Variants in SMAD6 observed in about 807,000 individuals in gnomAD.
The protein encoded by SMAD6 is MAD homolog 6.
SMAD6 carries 103 observed loss-of-function variants against 39.4 expected under a neutral mutation model. That is an observed-to-expected ratio of 2.62 (90% CI 2.23 to 3.08). The LOEUF (loss-of-function observed/expected upper bound fraction) is 3.08. Ranked by LOEUF, SMAD6 falls within the 30% of genes most tolerant of loss-of-function variation. SMAD6 has a pLI of 0.00. For missense variants in SMAD6, 1,104 were observed against 742.9 expected (o/e 1.49, Z -5.65); for synonymous variants, 445 against 353.3 (o/e 1.26, Z -2.91).
chr15:66,738,761 G>T (rs569527883), intron 3 of SMAD6, among the ~76,000 whole-genome samples: 21 of 152,224 alleles, frequency 1.4e-4, no homozygotes, highest in African/African-American at 4.3e-4. Context: ...CCAGAGAGCG[G>T]GTTCTGATGG....
At chr15:66,779,306 C>T (rs1319013073) in intron 3 of SMAD6, among the ~76,000 whole-genome samples, 1 of 152,178 alleles carries the variant, frequency 6.6e-6, no homozygotes, top group Non-Finnish European at 1.5e-5. Context: ...CCTCTCCTGA[C>T]CATCAGCTGG....
In SMAD6 at chr15:66,734,112, C is replaced by T. The variant is rs544280676; in HGVS notation, c.952+17614C>T. On this transcript the variant is annotated intron_variant, in intron 3 of 3. Transcript: ENST00000288840. ...GGGAGGGAGGGAGAGGCCGGAGAGG[C>T]GGCCATCAGTGCTTGCAGCCAGGAG... Among the ~76,000 whole-genome samples, 9 of 152,294 alleles carry T rather than the reference C, an allele frequency of 5.9e-5. No individual in the cohort carries two copies. In the South Asian group the frequency reaches 1.9e-3, roughly 32 times the overall value.
chr15:66,749,631 T>C (rs1268902117), intron 3 of SMAD6, among the ~76,000 whole-genome samples: 1 of 151,972 alleles, frequency 6.6e-6, no homozygotes, highest in Admixed American at 6.6e-5. Context: ...CAAAAAAATT[T>C]AATGGAGTGG....
At chr15:66,745,527 T>G (rs1893892400) in intron 3 of SMAD6, among the ~76,000 whole-genome samples, 1 of 152,234 alleles carries the variant, frequency 6.6e-6, no homozygotes, top group Non-Finnish European at 1.5e-5. Context: ...AAGGGCTTCC[T>G]ACTCCAGGAG....
chr15:66,721,776 C>G (rs542490835), intron 3 of SMAD6, among the ~76,000 whole-genome samples: 1 of 152,198 alleles, frequency 6.6e-6, no homozygotes, highest in Non-Finnish European at 1.5e-5. Context: ...ATAAAAGTTA[C>G]ATTGTTTCTG....
chr15:66,734,350 C>T (rs925911467), intron 3 of SMAD6, among the ~76,000 whole-genome samples: 1 of 152,198 alleles, frequency 6.6e-6, no homozygotes, highest in Non-Finnish European at 1.5e-5. Flanking sequence ...CATTAATGCT[C>T]ATTCCATTCG....
intron 3 of SMAD6, among the ~76,000 whole-genome samples, chr15:66,742,251 G>T (rs867082601): frequency 6.6e-6 from 1 of 152,288 alleles, no homozygotes; most frequent in South Asian, 2.1e-4. Flanking sequence ...TCTCATGGGA[G>T]TCAGCATCCC....
rs779438746 is a variant in SMAD6 at position 66,711,739 on chromosome 15, C to A, written c.874+15C>A. 6.2e-7 allele frequency: 1 copy of A among 1,606,314 alleles called. No homozygotes were observed. The highest frequency in any genetic ancestry group is 1.7e-5 in the Admixed American group (1 of 59,978). ...CAAGCCACTGGGTAAGTGTGCCCTC[C>A]TTCCTACCCTTGCAGAGGTGTGTCC... On this transcript the variant is annotated intron_variant, in intron 2 of 3. Coordinates refer to ENST00000288840, the MANE Select transcript of SMAD6 (RefSeq NM_005585.5).
chr15:66,759,600 T>C (rs1894163912), intron 3 of SMAD6, among the ~76,000 whole-genome samples: 1 of 152,246 alleles, frequency 6.6e-6, no homozygotes, highest in Admixed American at 6.5e-5. Context: ...TTATAGATGC[T>C]CATCCCACCG....
chr15:66,714,888 A>C (rs1893297694), intron 2 of SMAD6, among the ~76,000 whole-genome samples: 2 of 152,190 alleles, frequency 1.3e-5, no homozygotes, highest in Non-Finnish European at 2.9e-5. Flanking sequence ...GCTGTAAGGC[A>C]GTTCACTAAG....
At chr15:66,742,456 C>T (rs1469161854) in intron 3 of SMAD6, among the ~76,000 whole-genome samples, 7 of 152,086 alleles carry the variant, frequency 4.6e-5, no homozygotes, top group Non-Finnish European at 1.0e-4. Context: ...TCCCAGTGCG[C>T]CTGCCCTGGC....
chr15:66,776,694 C>T (rs1271793274), intron 3 of SMAD6, among the ~76,000 whole-genome samples: 1 of 152,160 alleles, frequency 6.6e-6, no homozygotes, highest in Non-Finnish European at 1.5e-5. Context: ...TCCCAACAGG[C>T]CAGTCTCAGG....
chr15:66,709,709 C>T (rs1893190373), intron 1 of SMAD6, among the ~76,000 whole-genome samples: 1 of 152,192 alleles, frequency 6.6e-6, no homozygotes, highest in Admixed American at 6.5e-5. Flanking sequence ...AGAGACCTGG[C>T]TTTGGTTCTG....
intron 3 of SMAD6, among the ~76,000 whole-genome samples, chr15:66,724,041 C>T (rs1453329438): frequency 6.6e-6 from 1 of 152,116 alleles, no homozygotes; most frequent in Non-Finnish European, 1.5e-5. Flanking sequence ...ACAGCTTGTG[C>T]AAAAGCAAGG....
intron 3 of SMAD6, among the ~76,000 whole-genome samples, chr15:66,718,741 A>G (rs539886099): frequency 1.3e-5 from 2 of 152,146 alleles, no homozygotes; most frequent in African/African-American, 4.8e-5. Context: ...CCGCCTGCCT[A>G]CTGGGAGCCC....
chr15:66,703,838 G>C lies in SMAD6; in HGVS notation c.580G>C (p.Ala194Pro). The change falls in exon 1 of 4, where the codon GCG becomes CCG. Residue 194 changes from alanine to proline, a missense_variant. By Grantham distance (27) the Ala-to-Pro change is conservative. Coordinates refer to ENST00000288840, the MANE Select transcript of SMAD6 (RefSeq NM_005585.5). ...GCGCTCGCTGGACACGCTGCTGGAG[G>C]CGGTGGAGTCCCGCGGCGGCGTGCC... is the stretch of plus-strand genomic sequence containing the variant. The part of the protein sequence containing the change: ...KERSLDTLLE[A>P]VESRGGVPGG... The C allele has an allele frequency of 7.2e-7, 1 of 1,395,036 alleles. No individual in the cohort carries two copies. The highest frequency in any genetic ancestry group is 9.4e-7 in the Non-Finnish European group (1 of 1,062,934). 86.4% of individuals were successfully genotyped at this position (1,395,036 alleles called of 1,614,324 possible).
At chr15:66,766,346 G>T (rs1410469023) in intron 3 of SMAD6, among the ~76,000 whole-genome samples, 1 of 152,180 alleles carries the variant, frequency 6.6e-6, no homozygotes, top group Non-Finnish European at 1.5e-5. Flanking sequence ...GACGCACTCT[G>T]TGAAGAAAAA....
chr15:66,767,959 CTTTTTTTTT>C (rs71142337), intron 3 of SMAD6, among the ~76,000 whole-genome samples: 1 of 60,252 alleles, frequency 1.7e-5, no homozygotes, highest in Non-Finnish European at 2.9e-5. Flanking sequence ...CAAGCTGCAT[CTTTTTTTTT>C]TTTTTTTTTT....
intron 3 of SMAD6, among the ~76,000 whole-genome samples, chr15:66,736,233 C>A (rs1893710208): frequency 6.6e-6 from 1 of 152,052 alleles, no homozygotes; most frequent in South Asian, 2.1e-4. Context: ...ACAGGATGCC[C>A]ATTTATATTT....
Sources: allele counts gnomAD v4.1 joint callset (sites outside exome capture counted in the v4.1 genomes callset), GRCh38; gene constraint gnomAD v4.1.1; transcripts MANE v1.5; gene names NCBI Gene and HGNC (gene_info 2026-07-23, HGNC 2026-07-21).